MLLT3: variants seen among roughly 807,000 people sequenced by gnomAD.
MLLT3 encodes MLLT3 super elongation complex subunit.
In MLLT3, 4 loss-of-function variants were observed where a neutral mutation model predicts 53.2. That is an observed-to-expected ratio of 0.08 (90% confidence interval 0.04 to 0.17). MLLT3 has a LOEUF of 0.17. Ranked by LOEUF, MLLT3 falls within the 10% of genes least tolerant of loss-of-function variation. The pLI is 1.00. For missense variants in MLLT3, 569 were observed against 684.0 expected, an observed-to-expected ratio of 0.83 and a Z score of 1.87; for synonymous variants, 283 against 230.6, an observed-to-expected ratio of 1.23 and a Z score of -2.06.
At chr9:20,449,392 G>A (rs769899283) in intron 3 of MLLT3, among the ~76,000 whole-genome samples, 3 of 152,072 alleles carry the variant, frequency 2.0e-5, no homozygotes, top group African/African-American at 2.4e-5. Context: ...TAGAATTTCC[G>A]ATACCCAGGT....
In MLLT3 at chr9:20,359,145, C is replaced by CAAAAA. The variant is rs920197622; in HGVS notation, c.1431+1592_1431+1596dup. On this transcript the variant is annotated intron_variant, in intron 8 of 10. Coordinates refer to ENST00000380338, the MANE Select transcript of MLLT3 (RefSeq NM_004529.4). ...GGGCAACAAGAGCAAAACTCCATCTCAAAAAAAAAAAAAAAAAAAAAAAAA... is the reference window on the plus strand; with the variant it reads ...GGGCAACAAGAGCAAAACTCCATCTCAAAAAAAAAAAAAAAAAAAAAAAAAAAAAA... 3.0e-3 allele frequency among the ~76,000 whole-genome samples: 63 copies of CAAAAA among 20,980 alleles called. 5 individuals carry two copies. Among genetic ancestry groups the CAAAAA allele is most frequent in the African/African-American group, 7.9e-3 (50 of 6,316 alleles). 13.8% of individuals were successfully genotyped at this position (20,980 alleles called of 152,430 possible).
chr9:20,588,579 T>C lies in MLLT3; in HGVS notation c.193+32075A>G, dbSNP rs1174019859. Among the ~76,000 whole-genome samples the C allele has an allele frequency of 3.3e-5, 5 of 152,316 alleles. No homozygotes were observed. In the East Asian group the frequency reaches 9.6e-4, roughly 29 times the overall value. On this transcript the variant is annotated intron_variant, in intron 2 of 10. Coordinates refer to ENST00000380338, the MANE Select transcript of MLLT3 (RefSeq NM_004529.4). ...TCACATCCCTTGTAAGTTGGATTCC[T>C]AGGTATTTTATTCTCTTTGAAGCAA...
At chr9:20,395,481 T>C (rs982266801) in intron 5 of MLLT3, among the ~76,000 whole-genome samples, 2 of 152,158 alleles carry the variant, frequency 1.3e-5, no homozygotes, top group Non-Finnish European at 2.9e-5. Flanking sequence ...TGGCATTTTA[T>C]GTGTAGCTTT....
At chr9:20,353,640 A>G in intron 9 of MLLT3, 44 bp from the exon 10 acceptor site, 1 of 1,502,786 alleles carries the variant, frequency 6.7e-7, no homozygotes, top group Non-Finnish European at 9.3e-7. Flanking sequence ...CACTTTAAGT[A>G]GTAGTTCAAA....
intron 2 of MLLT3, among the ~76,000 whole-genome samples, chr9:20,569,668 G>T (rs1462827361): frequency 6.6e-6 from 1 of 152,104 alleles, no homozygotes; most frequent in African/African-American, 2.4e-5. Context: ...GGTGTCCTTG[G>T]TATTTAGAAC....
Position 20,368,505 on chromosome 9 carries a change from C to T in MLLT3, c.1126-2761G>A, listed in dbSNP as rs377561690. Among the ~76,000 whole-genome samples, 14 of 152,278 alleles carry T rather than the reference C, an allele frequency of 9.2e-5. No homozygotes were observed. The South Asian group carries it at 2.9e-3, about 32-fold the overall frequency. On this transcript the variant is annotated intron_variant, in intron 5 of 10. Coordinates refer to ENST00000380338, the MANE Select transcript of MLLT3 (RefSeq NM_004529.4). ...GGAGCCACTCTGCCAGAGCTATTTG[C>T]TGAGAATGATATTAGCAAGGATGAC...
chr9:20,463,369 A>G (rs1824160258), intron 2 of MLLT3, among the ~76,000 whole-genome samples: 1 of 152,136 alleles, frequency 6.6e-6, no homozygotes, highest in Non-Finnish European at 1.5e-5. Flanking sequence ...AAGCCCATGT[A>G]GCTGAGGTTA....
intron 2 of MLLT3, among the ~76,000 whole-genome samples, chr9:20,567,453 G>A (rs1455927344): frequency 6.6e-6 from 1 of 152,052 alleles, no homozygotes; most frequent in Non-Finnish European, 1.5e-5. Flanking sequence ...CCAAGCTATA[G>A]TGAGCCTAAA....
intron 2 of MLLT3, among the ~76,000 whole-genome samples, chr9:20,582,605 G>C (rs1207571016): frequency 6.6e-6 from 1 of 152,182 alleles, no homozygotes; most frequent in African/African-American, 2.4e-5. Flanking sequence ...AGAAAAAGAG[G>C]TTTAATTGGA....
intron 2 of MLLT3, among the ~76,000 whole-genome samples, chr9:20,498,447 G>A (rs1825136935): frequency 6.6e-6 from 1 of 151,972 alleles, no homozygotes; most frequent in Non-Finnish European, 1.5e-5. Context: ...TTGATGAAGT[G>A]TCTATTCAAA....
intron 2 of MLLT3, among the ~76,000 whole-genome samples, chr9:20,533,762 C>T (rs866371312): frequency 1.3e-5 from 2 of 152,128 alleles, no homozygotes; most frequent in African/African-American, 4.8e-5. Flanking sequence ...AATAGATGAA[C>T]CTGGAGGACA....
intron 2 of MLLT3, among the ~76,000 whole-genome samples, chr9:20,495,312 C>T (rs564430812): frequency 3.9e-5 from 6 of 152,282 alleles, no homozygotes; most frequent in African/African-American, 1.4e-4. Flanking sequence ...ATCTCAGACT[C>T]CCCACTGCGA....
intron 2 of MLLT3, among the ~76,000 whole-genome samples, chr9:20,591,131 G>T (rs150689763): frequency 6.6e-6 from 1 of 152,060 alleles, no homozygotes; most frequent in South Asian, 2.1e-4. Flanking sequence ...TATACCTAGT[G>T]GCATTCTGAA....
chr9:20,525,030 G>A (rs1290208571), intron 2 of MLLT3, among the ~76,000 whole-genome samples: 2 of 151,322 alleles, frequency 1.3e-5, no homozygotes, highest in Admixed American at 1.3e-4. Flanking sequence ...GGATAAAGGA[G>A]GGGAAAAAGA....
chr9:20,469,019 T>C (rs1047879247), intron 2 of MLLT3, among the ~76,000 whole-genome samples: 1 of 152,144 alleles, frequency 6.6e-6, no homozygotes, highest in Admixed American at 6.5e-5. Flanking sequence ...GACCATTAAA[T>C]AAAGGAATAC....
chr9:20,430,008 G>C (rs976568451), intron 4 of MLLT3, among the ~76,000 whole-genome samples: 2 of 152,046 alleles, frequency 1.3e-5, no homozygotes, highest in East Asian at 3.8e-4. Flanking sequence ...AATACAAAAG[G>C]ATCTGTAAAG....
At chr9:20,376,774 C>A (rs142572280) in intron 5 of MLLT3, among the ~76,000 whole-genome samples, 3 of 152,112 alleles carry the variant, frequency 2.0e-5, no homozygotes, top group African/African-American at 7.2e-5. Context: ...AAGGCTGCTA[C>A]GATTGTAGCC....
At chr9:20,619,399 A>G (rs1046721301) in intron 2 of MLLT3, among the ~76,000 whole-genome samples, 1 of 150,594 alleles carries the variant, frequency 6.6e-6, no homozygotes, top group Non-Finnish European at 1.5e-5. Context: ...AACAAAACTA[A>G]GCACCAATAC....
intron 2 of MLLT3, among the ~76,000 whole-genome samples, chr9:20,565,479 C>A (rs528232689): frequency 1.1e-4 from 17 of 151,978 alleles, no homozygotes; most frequent in Non-Finnish European, 2.4e-4. Context: ...CTTTATAGAA[C>A]CACTGCTATA....
Sources: gnomAD v4.1 joint callset for allele counts (sites outside exome capture counted in the v4.1 genomes callset) on GRCh38, gnomAD v4.1.1 for gene constraint, MANE v1.5 for transcripts, NCBI Gene and HGNC (gene_info 2026-07-23, HGNC 2026-07-21) for gene names.